SLC9A2: variants seen among roughly 807,000 people sequenced by gnomAD.
The protein encoded by SLC9A2 is sodium/hydrogen exchanger 2.
SLC9A2 carries 42 observed loss-of-function variants against 71.7 expected under a neutral mutation model. The ratio of observed to expected loss-of-function variants is 0.59; its 90% CI spans 0.46 to 0.76. The LOEUF (loss-of-function observed/expected upper bound fraction) is 0.76. SLC9A2 is among the 30% of genes least tolerant of loss of function. The probability of loss-of-function intolerance (pLI) is 0.00; values close to 1 mark genes in which losing one functional copy is unlikely to be tolerated. For missense variants in SLC9A2, 829 were observed against 1,017.4 expected, an observed-to-expected ratio of 0.81 and a Z score of 2.52; for synonymous variants, 396 against 392.5, an observed-to-expected ratio of 1.01 and a Z score of -0.10.
chr2:102,670,719 C>G (rs1405680331), intron 3 of SLC9A2, among the ~76,000 whole-genome samples: 2 of 151,928 alleles, frequency 1.3e-5, no homozygotes, highest in Admixed American at 1.3e-4. Flanking sequence ...AGGAGTAGTT[C>G]CAGCTTGCTG....
chr2:102,635,414 G>A (rs1177909899), intron 1 of SLC9A2, among the ~76,000 whole-genome samples: 2 of 152,202 alleles, frequency 1.3e-5, no homozygotes, highest in African/African-American at 4.8e-5. Context: ...ACTCTGGCTC[G>A]AGGAGCTTTA....
intron 3 of SLC9A2, among the ~76,000 whole-genome samples, chr2:102,670,095 G>A (rs12052975): frequency 0.38 from 57,881 of 150,560 alleles, 11,296 homozygotes; most frequent in East Asian, 0.53. Context: ...GCAGTGGCGC[G>A]ATCTCTGCTC....
At chr2:102,672,800 A>T (rs1323848456) in intron 3 of SLC9A2, among the ~76,000 whole-genome samples, 1 of 152,118 alleles carries the variant, frequency 6.6e-6, no homozygotes, top group Non-Finnish European at 1.5e-5. Context: ...ATATATATAT[A>T]TTTTGCAAAT....
rs150437129 is a variant in SLC9A2, at chr2:102,680,518, G to A, written c.1005-2743G>A. Among the ~76,000 whole-genome samples, 279 of 152,120 alleles carry A rather than the reference G, an allele frequency of 1.8e-3. 2 individuals are homozygous for A. The highest frequency in any genetic ancestry group is 6.6e-3 in the African/African-American group (272 of 41,506). On this transcript the variant is annotated intron_variant, in intron 3 of 11. Transcript: ENST00000233969. ...GCTGGAGGAGGTTCCAGGATTTCAC[G>A]TCAAGTCAGTGTGACAGAGCTCCTG...
intron 1 of SLC9A2, among the ~76,000 whole-genome samples, chr2:102,636,690 A>G (rs919265400): frequency 3.3e-5 from 5 of 152,214 alleles, no homozygotes; most frequent in Non-Finnish European, 5.9e-5. Context: ...AAGATTTAAC[A>G]TCTAGCCTGG....
At chr2:102,661,113 G>C (rs113271240) in intron 2 of SLC9A2, among the ~76,000 whole-genome samples, 1 of 152,146 alleles carries the variant, frequency 6.6e-6, no homozygotes, top group South Asian at 2.1e-4. Context: ...AAAAATAAAC[G>C]TGTGATTTTT....
intron 1 of SLC9A2, among the ~76,000 whole-genome samples, chr2:102,620,582 C>G (rs1178006688): frequency 6.6e-6 from 1 of 152,126 alleles, no homozygotes; most frequent in African/African-American, 2.4e-5. Context: ...CTGCTGTGCG[C>G]CTGACTAATG....
At position 102,656,565 on chromosome 2, in the gene SLC9A2, T is replaced by A. The variant is rs531167059; in HGVS notation, c.290-999T>A. Among the ~76,000 whole-genome samples the A allele has an allele frequency of 2.2e-4, 33 of 152,334 alleles. 1 individual carries two copies. In the East Asian group the frequency reaches 2.7e-3, roughly 12 times the overall value. ...AGAGATCATGGCATGTTTATATCCC[T>A]CATAGAGTAGTTTCTTGAGGCATCC... On this transcript the variant is annotated intron_variant, in intron 1 of 11. Coordinates refer to ENST00000233969, the MANE Select transcript of SLC9A2 (RefSeq NM_003048.6).
At chr2:102,646,494 A>G (rs1676725578) in intron 1 of SLC9A2, among the ~76,000 whole-genome samples, 1 of 152,200 alleles carries the variant, frequency 6.6e-6, no homozygotes, top group South Asian at 2.1e-4. Flanking sequence ...CCCAATTAAA[A>G]GACACAGACT....
intron 5 of SLC9A2, among the ~76,000 whole-genome samples, chr2:102,692,571 C>A (rs147907342): frequency 1.3e-5 from 2 of 152,116 alleles, no homozygotes; most frequent in African/African-American, 2.4e-5. Context: ...ACTCTCACCC[C>A]CTCCTTACCT....
chr2:102,694,917 A>G, intron 6 of SLC9A2, 126 bp from the exon 7 acceptor site: 1 of 744,740 alleles, frequency 1.3e-6, no homozygotes, highest in East Asian at 2.6e-5. Flanking sequence ...GCTTTTGGTA[A>G]TAAATAATAA....
At chr2:102,656,490 A>G (rs902903695) in intron 1 of SLC9A2, among the ~76,000 whole-genome samples, 3 of 152,204 alleles carry the variant, frequency 2.0e-5, no homozygotes, top group African/African-American at 7.2e-5. Context: ...CTTGTATTAG[A>G]GTAAGTCGTA....
At chr2:102,678,328 T>TAAAA (rs11412239) in intron 3 of SLC9A2, among the ~76,000 whole-genome samples, 3 of 142,842 alleles carry the variant, frequency 2.1e-5, no homozygotes, top group African/African-American at 7.7e-5. Context: ...TATGGAAAAT[T>TAAAA]AAAAAAAAAA....
At chr2:102,676,407 T>C (rs1219705847) in intron 3 of SLC9A2, among the ~76,000 whole-genome samples, 8 of 152,228 alleles carry the variant, frequency 5.3e-5, no homozygotes, top group Admixed American at 2.6e-4. Context: ...AGAGTTGCTT[T>C]AGGTGCCAAT....
At chr2:102,694,243 T>A (rs1677711262) in intron 5 of SLC9A2, among the ~76,000 whole-genome samples, 171 bp from the exon 6 acceptor site, 2 of 152,178 alleles carry the variant, frequency 1.3e-5, no homozygotes, top group East Asian at 1.9e-4. Flanking sequence ...ATTTACTGTG[T>A]TAAATCTTGG....
At chr2:102,627,838 C>T (rs755877753) in intron 1 of SLC9A2, among the ~76,000 whole-genome samples, 1 of 152,122 alleles carries the variant, frequency 6.6e-6, no homozygotes, top group Non-Finnish European at 1.5e-5. Context: ...TGTTAATTCC[C>T]GCCTTACAAG....
chr2:102,659,827 G>A (rs912936067), intron 2 of SLC9A2, among the ~76,000 whole-genome samples: 8 of 152,156 alleles, frequency 5.3e-5, no homozygotes, highest in African/African-American at 4.8e-5. Context: ...TGCTCGATAC[G>A]TAAATTTTAC....
At chr2:102,675,099 GC>G (rs1677324139) in intron 3 of SLC9A2, among the ~76,000 whole-genome samples, 1 of 152,200 alleles carries the variant, frequency 6.6e-6, no homozygotes, top group South Asian at 2.1e-4. Flanking sequence ...GAAGAAGGCA[GC>G]GAACTTAAAC....
intron 9 of SLC9A2, among the ~76,000 whole-genome samples, chr2:102,703,734 G>A (rs1027846905): frequency 1.2e-4 from 18 of 152,262 alleles, no homozygotes; most frequent in African/African-American, 4.1e-4. Flanking sequence ...TATTCTATCA[G>A]AAATGAATTT....
Sources: gnomAD v4.1 joint callset for allele counts (sites outside exome capture counted in the v4.1 genomes callset) on GRCh38, gnomAD v4.1.1 for gene constraint, MANE v1.5 for transcripts, NCBI Gene and HGNC (gene_info 2026-07-23, HGNC 2026-07-21) for gene names.